The following ANKS1B variants were observed in gnomAD, a reference collection of about 807,000 sequenced individuals.
ANKS1B encodes the protein ankyrin repeat and sterile alpha motif domain-containing protein 1B.
Under a neutral mutation model 148.3 loss-of-function variants are expected in ANKS1B, and 36 were observed. The observed-to-expected ratio is 0.24, with a 90% confidence interval of 0.19 to 0.32. ANKS1B has a LOEUF of 0.32. ANKS1B is among the 10% of genes least tolerant of loss of function. The pLI, the probability that ANKS1B is intolerant of heterozygous loss-of-function variation, is 1.00. For missense variants in ANKS1B, 1,157 were observed against 1,542.6 expected (o/e 0.75, Z 4.19); for synonymous variants, 542 against 560.8 (o/e 0.97, Z 0.47).
At chr12:99,947,690 T>C (rs2095104592) in intron 1 of ANKS1B, among the ~76,000 whole-genome samples, 1 of 152,154 alleles carries the variant, frequency 6.6e-6, no homozygotes, top group Non-Finnish European at 1.5e-5. Context: ...GGTCTCTGCT[T>C]CAAGTCTCAC....
At chr12:98,980,480 AC>A (rs1301353906) in intron 17 of ANKS1B, among the ~76,000 whole-genome samples, 2 of 152,258 alleles carry the variant, frequency 1.3e-5, no homozygotes, top group African/African-American at 4.8e-5. Context: ...TGCTGGGATT[AC>A]AGGTGTGAGC....
intron 9 of ANKS1B, among the ~76,000 whole-genome samples, chr12:99,602,199 C>T (rs572187924): frequency 1.6e-4 from 24 of 152,032 alleles, no homozygotes; most frequent in African/African-American, 5.5e-4. Context: ...GCCCAACATT[C>T]CCCCATCTGA....
intron 1 of ANKS1B, among the ~76,000 whole-genome samples, chr12:99,911,804 T>G (rs61940358): frequency 0.056 from 8,471 of 152,292 alleles, 345 homozygotes; most frequent in Admixed American, 0.1. Context: ...ATAACATTTC[T>G]GTAAATATTT....
intron 12 of ANKS1B, among the ~76,000 whole-genome samples, chr12:99,327,200 A>C (rs1472394629): frequency 8.8e-6 from 1 of 114,040 alleles, no homozygotes; most frequent in Non-Finnish European, 1.7e-5. Context: ...ATTATATAAT[A>C]TATTATCTAT....
intron 8 of ANKS1B, among the ~76,000 whole-genome samples, chr12:99,694,135 T>C (rs569692894): frequency 6.7e-6 from 1 of 149,580 alleles, no homozygotes; most frequent in East Asian, 2.0e-4. Flanking sequence ...TATAAAAGCA[T>C]TAGAATTGTC....
intron 1 of ANKS1B, among the ~76,000 whole-genome samples, chr12:99,976,871 G>A (rs1472042916): frequency 6.6e-6 from 1 of 152,186 alleles, no homozygotes; most frequent in Non-Finnish European, 1.5e-5. Context: ...AACAATGTAT[G>A]TTTTTGTGAT....
At chr12:99,443,564 A>G (rs1281831409) in intron 11 of ANKS1B, 109 bp downstream of exon 11, 2 of 1,145,976 alleles carry the variant, frequency 1.7e-6, no homozygotes, top group Non-Finnish European at 2.4e-6. Context: ...TTAGAAATCC[A>G]TTGACATACC....
intron 11 of ANKS1B, among the ~76,000 whole-genome samples, chr12:99,420,671 T>C (rs10466953): frequency 0.057 from 8,720 of 152,192 alleles, 857 homozygotes; most frequent in African/African-American, 0.2. Flanking sequence ...AAAAGGTTGA[T>C]ATGAAGGGGT....
At chr12:98,764,702 C>T (rs554407186) in intron 25 of ANKS1B, among the ~76,000 whole-genome samples, 1 of 152,332 alleles carries the variant, frequency 6.6e-6, no homozygotes, top group South Asian at 2.1e-4. Flanking sequence ...CTACCTGATA[C>T]CCTGAGTTCA....
At chr12:99,608,275 C>T (rs955120558) in intron 9 of ANKS1B, among the ~76,000 whole-genome samples, 7 of 152,114 alleles carry the variant, frequency 4.6e-5, no homozygotes, top group Non-Finnish European at 8.8e-5. Flanking sequence ...CTTTCAAGTG[C>T]GCAAACCATG....
chr12:99,015,987 A>G (rs1252715319), intron 17 of ANKS1B, among the ~76,000 whole-genome samples: 3 of 151,656 alleles, frequency 2.0e-5, no homozygotes, highest in African/African-American at 7.3e-5. Context: ...ATCTAGAATT[A>G]AATAGGAGAA....
At chr12:99,720,902 A>G (rs2058018984) in intron 8 of ANKS1B, among the ~76,000 whole-genome samples, 1 of 152,140 alleles carries the variant, frequency 6.6e-6, no homozygotes, top group Non-Finnish European at 1.5e-5. Context: ...TGCTATCCCA[A>G]ACTGCCACTC....
intron 9 of ANKS1B, among the ~76,000 whole-genome samples, chr12:99,608,873 G>A (rs2097874211): frequency 6.6e-6 from 1 of 152,032 alleles, no homozygotes; most frequent in South Asian, 2.1e-4. Context: ...AAATGGAGGA[G>A]GGAAGGAGTT....
intron 17 of ANKS1B, among the ~76,000 whole-genome samples, chr12:98,980,031 C>T (rs1026012748): frequency 6.6e-5 from 10 of 152,080 alleles, no homozygotes; most frequent in Non-Finnish European, 2.9e-5. Context: ...TCTTTTAATC[C>T]AAATGGTCAC....
At chr12:99,026,514 C>A (rs2099948860) in intron 17 of ANKS1B, among the ~76,000 whole-genome samples, 2 of 152,062 alleles carry the variant, frequency 1.3e-5, no homozygotes, top group Admixed American at 1.3e-4. Flanking sequence ...CCAGAGTAGA[C>A]AAAGAGTCAG....
intron 14 of ANKS1B, among the ~76,000 whole-genome samples, chr12:99,188,112 T>C (rs753837267): frequency 1.3e-5 from 2 of 151,812 alleles, no homozygotes; most frequent in Non-Finnish European, 2.9e-5. Context: ...CATTACATAA[T>C]GGTAAAAGGA....
At chr12:99,471,400 T>C (rs1224783266) in intron 10 of ANKS1B, among the ~76,000 whole-genome samples, 3 of 152,104 alleles carry the variant, frequency 2.0e-5, no homozygotes, top group Non-Finnish European at 4.4e-5. Context: ...AAATTAGATG[T>C]CACAAAAGGC....
chr12:99,799,041 C>G (rs1201934169), intron 4 of ANKS1B, among the ~76,000 whole-genome samples: 1 of 152,102 alleles, frequency 6.6e-6, no homozygotes, highest in Non-Finnish European at 1.5e-5. Flanking sequence ...AAGCTTCTAT[C>G]CGCTATCTTA....
At chr12:99,157,369 T>G (rs1322089300) in intron 14 of ANKS1B, among the ~76,000 whole-genome samples, 2 of 152,166 alleles carry the variant, frequency 1.3e-5, no homozygotes, top group African/African-American at 4.8e-5. Flanking sequence ...ACAATGACAC[T>G]TTGGCTTGGC....
Sources: gnomAD v4.1 joint callset for allele counts (sites outside exome capture counted in the v4.1 genomes callset) on GRCh38, gnomAD v4.1.1 for gene constraint, MANE v1.5 for transcripts, NCBI Gene and HGNC (gene_info 2026-07-23, HGNC 2026-07-21) for gene names.